ZNFX1: variants seen among roughly 807,000 people sequenced by gnomAD.
The protein encoded by ZNFX1 is NFX1-type zinc finger-containing protein 1.
In ZNFX1, 78 loss-of-function variants were observed where a neutral mutation model predicts 179.8. The observed-to-expected ratio is 0.43, with a 90% CI of 0.36 to 0.52. The LOEUF (loss-of-function observed/expected upper bound fraction) is 0.52. ZNFX1 is among the 20% of genes least tolerant of loss of function. The pLI, the probability that ZNFX1 is intolerant of heterozygous loss-of-function variation, is 0.00. For synonymous variants in ZNFX1, 848 were observed against 868.5 expected (o/e 0.98, Z 0.42); for missense variants, 1,927 against 2,386.6 (o/e 0.81, Z 4.01).
chr20:49,251,601 C>A lies in ZNFX1; in HGVS notation c.3238G>T (p.Ala1080Ser), dbSNP rs751478513. ...TAAATGTGGGGGGTCAAAAGGCGGG[C>A]AATTTCAGGGCACATACGGTGCTGA... ...NYQHRMCPEI[A>S]RLLTPHIYQD... The change falls in exon 13 of 14, where the codon GCC becomes TCC. Residue 1080 changes from alanine (A) to serine (S), a missense_variant. Physicochemically the swap from Ala to Ser is moderately conservative, Grantham distance 99. Transcript: ENST00000396105. 8.1e-6 allele frequency: 13 copies of A among 1,612,272 alleles called. No homozygotes were observed. Among genetic ancestry groups the A allele is most frequent in the African/African-American group, 4.0e-5 (3 of 74,836 alleles).
chr20:49,271,088 C>T lies in ZNFX1; in HGVS notation c.724G>A (p.Glu242Lys). The change falls in exon 3 of 14, where the codon GAG (glutamate) becomes AAG (lysine). Residue 242 changes from glutamate to lysine, a missense_variant. Physicochemically the swap from Glu to Lys is moderately conservative, Grantham distance 56. Transcript: ENST00000396105. ...AGGGAGATGATGTTGCTTATGTGCT[C>T]TGGATACTGGTTTCGGATGTCAGGG... ...PIPDIRNQYP[E>K]HISNIISLLQ... 1 of 1,614,100 alleles carries T rather than the reference C, an allele frequency of 6.2e-7. No homozygotes were observed.
chr20:49,272,136 TA>T (rs778581400), intron 2 of ZNFX1, among the ~76,000 whole-genome samples: 3 of 151,488 alleles, frequency 2.0e-5, no homozygotes, highest in Non-Finnish European at 4.4e-5. Context: ...CCTTACTATA[TA>T]ACCTTGGCCA....
chr20:49,268,185 T>C (rs1981290420), intron 3 of ZNFX1, among the ~76,000 whole-genome samples: 1 of 152,174 alleles, frequency 6.6e-6, no homozygotes, highest in African/African-American at 2.4e-5. Flanking sequence ...AACTGTATAA[T>C]GGTTTTAGTA....
chr20:49,253,436 G>A (rs1373522238), intron 11 of ZNFX1, among the ~76,000 whole-genome samples: 2 of 152,146 alleles, frequency 1.3e-5, no homozygotes, highest in Non-Finnish European at 2.9e-5. Context: ...AGGCCATGGT[G>A]GACTAGGTAA....
In ZNFX1 at chr20:49,271,423, G is replaced by T. The variant is rs1981393598; in HGVS notation, c.389C>A (p.Pro130His). 1 of 1,613,976 alleles carries T rather than the reference G, an allele frequency of 6.2e-7. No individual in the cohort carries two copies. Among genetic ancestry groups the T allele is most frequent in the Non-Finnish European group, 8.5e-7 (1 of 1,180,028 alleles). The change falls in exon 3 of 14, where the codon CCC (proline) becomes CAC (histidine). Residue 130 changes from proline to histidine, a missense_variant. Pro to His is a moderately conservative substitution (Grantham distance 77). Transcript: ENST00000396105. ...SNDNFQQWRTPHQKPTEQPQQ... is the reference protein window; with the variant it reads ...SNDNFQQWRTHHQKPTEQPQQ... ...TGGCTGTTCTGTAGGCTTCTGGTGG[G>T]GAGTCCGCCACTGCTGGAAGTTGTC...
Position 49,248,762 on chromosome 20 carries a change from C to A in ZNFX1, c.4262G>T (p.Gly1421Val). Residue 1421 changes from glycine to valine, a missense_variant, in exon 14 of 14, where the codon GGC becomes GTC. Coordinates refer to ENST00000396105, the MANE Select transcript of ZNFX1 (RefSeq NM_021035.3). The surrounding 1 kb of genome is among the most constrained non-coding windows in gnomAD (Gnocchi z 4.6). Reference protein sequence around the residue: ...SQPVKCGHVEGLLYGGLLVKC... With the variant: ...SQPVKCGHVEVLLYGGLLVKC... ...GACTAGCAGACCACCATACAGGAGGCCTTCCACATGACCACATTTTACCGG... is the reference window on the plus strand; with the variant it reads ...GACTAGCAGACCACCATACAGGAGGACTTCCACATGACCACATTTTACCGG... 1 of 1,613,924 alleles carries A rather than the reference C, an allele frequency of 6.2e-7. No individual in the cohort carries two copies. The highest frequency in any genetic ancestry group is 8.5e-7 in the Non-Finnish European group (1 of 1,180,046).
At chr20:49,260,289 CAAA>C (rs11396262) in intron 7 of ZNFX1, among the ~76,000 whole-genome samples, 171 bp downstream of exon 7, 3 of 116,680 alleles carry the variant, frequency 2.6e-5, no homozygotes, top group Admixed American at 9.0e-5. Context: ...AACTCCATCT[CAAA>C]AAAAAAAAAA....
chr20:49,266,315 AAAGT>A (rs745307942), intron 3 of ZNFX1, 49 bp from the exon 4 acceptor site: 1 of 1,535,014 alleles, frequency 6.5e-7, no homozygotes, highest in Non-Finnish European at 8.8e-7. Flanking sequence ...TTTTCTAAAT[AAAGT>A]AATTACTCAG....
At chr20:49,262,134 G>A (rs988134490) in intron 6 of ZNFX1, among the ~76,000 whole-genome samples, 5 of 151,820 alleles carry the variant, frequency 3.3e-5, no homozygotes, top group Non-Finnish European at 5.9e-5. Flanking sequence ...AAATCAAAGG[G>A]CTGGGCACGG....
rs1390896605 is a variant in ZNFX1, at chr20:49,248,034, G to A, written c.4990C>T (p.Leu1664Phe). Reference sequence around the variant, plus strand: ...CTCTTCCTCTCCAGCAGGGCCTTAAGCCGTTCCTGGCTGGTTGCTATTTCC... The same window carrying A: ...CTCTTCCTCTCCAGCAGGGCCTTAAACCGTTCCTGGCTGGTTGCTATTTCC... ...AGEIATSQERLKALLERKSLL... is the reference protein window; with the variant it reads ...AGEIATSQERFKALLERKSLL... The change falls in exon 14 of 14, where the codon CTT becomes TTT. Residue 1664 changes from leucine (L) to phenylalanine (F), a missense_variant. Transcript: ENST00000396105. The surrounding 1 kb of genome is among the most constrained non-coding windows in gnomAD (Gnocchi z 4.6). 6.2e-7 allele frequency: 1 copy of A among 1,614,056 alleles called. No individual in the cohort carries two copies. The highest frequency in any genetic ancestry group is 2.2e-5 in the East Asian group (1 of 44,896).
intron 2 of ZNFX1, among the ~76,000 whole-genome samples, chr20:49,273,036 T>A (rs1981460391): frequency 6.6e-6 from 1 of 152,204 alleles, no homozygotes; most frequent in Non-Finnish European, 1.5e-5. Context: ...TTCAAATGCA[T>A]GTTATATTTG....
chr20:49,251,679 C>G, intron 12 of ZNFX1, 57 bp from the exon 13 acceptor site: 1 of 1,466,082 alleles, frequency 6.8e-7, no homozygotes, highest in Non-Finnish European at 9.4e-7. Flanking sequence ...CGGACAATTT[C>G]TTTAAAGATA....
In ZNFX1 at chr20:49,247,697, G is replaced by A. The variant is rs762338268; in HGVS notation, c.5327C>T (p.Ala1776Val). 5.6e-6 allele frequency: 9 copies of A among 1,614,056 alleles called. No individual in the cohort carries two copies. The East Asian group carries it at 1.8e-4, about 32-fold the overall frequency. Residue 1776 changes from alanine (A) to valine (V), a missense_variant, in exon 14 of 14, where the codon GCA becomes GTA. Ala to Val is a moderately conservative substitution (Grantham distance 64, BLOSUM62 0). Transcript: ENST00000396105. ...TATGCTATCTTTCACCTTCTTCTCTGCTATCTTGTAGCGGGTCAGAAGGTT... is the reference window on the plus strand; with the variant it reads ...TATGCTATCTTTCACCTTCTTCTCTACTATCTTGTAGCGGGTCAGAAGGTT... ...LVNLLTRYKI[A>V]EKKVKDSIAV...
At chr20:49,250,267 T>C (rs567904045) in intron 13 of ZNFX1, among the ~76,000 whole-genome samples, 6 of 151,872 alleles carry the variant, frequency 4.0e-5, no homozygotes, top group East Asian at 3.9e-4. Context: ...TCAAAAAAAA[T>C]AGAAAATAAA....
chr20:49,247,474 G>A lies in ZNFX1; in HGVS notation c.5550C>T (p.Arg1850=), dbSNP rs773364247. The part of the protein sequence containing the change: ...GYPRGHWFKC[R]NGHIYVIGDC... Reference sequence around the variant, plus strand: ...CGCCAATCACATAGATATGGCCATTGCGGCACTTGAACCAGTGACCACGAG... The same window carrying A: ...CGCCAATCACATAGATATGGCCATTACGGCACTTGAACCAGTGACCACGAG... The change falls in exon 14 of 14, where the codon CGC becomes CGT. Residue 1850 remains arginine (R), a synonymous_variant. Coordinates refer to ENST00000396105, the MANE Select transcript of ZNFX1 (RefSeq NM_021035.3). 152 of 1,614,008 alleles carry A rather than the reference G, an allele frequency of 9.4e-5. No homozygotes were observed. The highest frequency in any genetic ancestry group is 8.2e-4 in the Middle Eastern group (5 of 6,084).
chr20:49,273,092 G>A (rs1981462394), intron 2 of ZNFX1, among the ~76,000 whole-genome samples: 1 of 152,032 alleles, frequency 6.6e-6, no homozygotes, highest in Non-Finnish European at 1.5e-5. Context: ...ATTGATTTAT[G>A]CACACTCTTC....
rs1980785867 is a variant in ZNFX1, at chr20:49,249,565, C to G, written c.3459G>C (p.Gln1153His). Residue 1153 changes from glutamine to histidine, a missense_variant, in exon 14 of 14, where the codon CAG becomes CAC. By Grantham distance (24) the Gln-to-His change is conservative. Transcript: ENST00000396105. ...YFLCQEYLPSQITILTTYTGQ... is the reference protein window; with the variant it reads ...YFLCQEYLPSHITILTTYTGQ... ...CGGTATAGGTAGTGAGGATGGTGAT[C>G]TGGGAAGGCAGGTATTCCTGGCACA... 3 of 1,614,096 alleles carry G rather than the reference C, an allele frequency of 1.9e-6. No individual in the cohort carries two copies. The highest frequency in any genetic ancestry group is 3.3e-5 in the Admixed American group (2 of 60,006).
chr20:49,263,334 C>A lies in ZNFX1; in HGVS notation c.2301G>T (p.Gln767His). The A allele has an allele frequency of 6.2e-7, 1 of 1,613,048 alleles. No individual in the cohort carries two copies. The highest frequency in any genetic ancestry group is 8.5e-7 in the Non-Finnish European group (1 of 1,180,014). Residue 767 changes from glutamine to histidine, a missense_variant and splice_region_variant, in exon 6 of 14, where the codon CAG becomes CAT. Transcript: ENST00000396105. ...HWESLMNGPV[Q>H]DSEWICFQHW... ...TTGTGTCCCCCAGGATGACCCCTAC[C>A]TGCACTGGTCCATTCATGAGACTTT...
intron 3 of ZNFX1, among the ~76,000 whole-genome samples, chr20:49,269,688 A>G (rs372176817): frequency 7.9e-5 from 12 of 152,166 alleles, no homozygotes; most frequent in South Asian, 4.1e-4. Context: ...CTCCAAAAAC[A>G]ATGACGACAA....
Sources: allele counts gnomAD v4.1 joint callset (sites outside exome capture counted in the v4.1 genomes callset), GRCh38; gene constraint gnomAD v4.1.1; non-coding constraint Gnocchi (gnomAD v3.1); transcripts MANE v1.5; gene names NCBI Gene and HGNC (gene_info 2026-07-23, HGNC 2026-07-21).